Variants in GBP7 observed in about 807,000 individuals in gnomAD.
GBP7 encodes the protein guanylate binding protein 7, also known as guanylate-binding protein 7.
Under a neutral mutation model 61.3 loss-of-function variants are expected in GBP7, and 43 were observed. The ratio of observed to expected loss-of-function variants is 0.70; its 90% CI spans 0.55 to 0.91. The LOEUF (loss-of-function observed/expected upper bound fraction) is 0.91, where lower values mean the gene tolerates loss of function less well. Ranked by LOEUF, GBP7 falls within the 40% of genes least tolerant of loss-of-function variation. The pLI, the probability that GBP7 is intolerant of heterozygous loss-of-function variation, is 0.00. For missense variants in GBP7, 717 were observed against 740.5 expected (o/e 0.97, Z 0.37); for synonymous variants, 267 against 271.0 (o/e 0.99, Z 0.14).
intron 10 of GBP7, 54 bp downstream of exon 10, chr1:89,133,204 A>G: frequency 1.4e-6 from 2 of 1,437,196 alleles, no homozygotes; most frequent in Admixed American, 1.9e-5. Context: ...GCTCTTCCCT[A>G]AATGAGGAAC....
chr1:89,162,630 G>A (rs754415238), intron 3 of GBP7, among the ~76,000 whole-genome samples: 10 of 152,212 alleles, frequency 6.6e-5, no homozygotes, highest in Non-Finnish European at 1.5e-4. Context: ...AGACTTTGCT[G>A]AAGTTGTTTA....
At position 89,175,999 on chromosome 1, in the gene GBP7, G is replaced by C. The variant is rs1016767727; in HGVS notation, c.-98C>G. The C allele has an allele frequency of 1.3e-5, 2 of 152,170 alleles. No homozygotes were observed. The highest frequency in any genetic ancestry group is 4.8e-5 in the African/African-American group (2 of 41,432). The allele number at this position is 152,170 out of a possible 1,614,324, so 9.4% of individuals were successfully genotyped here. A position where few individuals can be genotyped will look rare whatever the true frequency, so the allele number is the denominator to read the frequency against. On this transcript the variant is annotated 5_prime_UTR_variant, in exon 1 of 11. Coordinates refer to ENST00000294671, the MANE Select transcript of GBP7 (RefSeq NM_207398.3). The stretch of plus-strand genomic sequence containing the variant: ...ATGAGTCTTTATTCTCTTCTCTTTA[G>C]TTCTGAATTTGGCTGCACTGATTTC...
At chr1:89,150,913 TATG>T (rs1318041580) in intron 5 of GBP7, among the ~76,000 whole-genome samples, 9 of 152,210 alleles carry the variant, frequency 5.9e-5, no homozygotes, top group Non-Finnish European at 2.9e-5. Flanking sequence ...TTAACTAAAA[TATG>T]ATAAGAAGTA....
At chr1:89,145,904 AT>A (rs59180604) in intron 8 of GBP7, among the ~76,000 whole-genome samples, 96,489 of 151,854 alleles carry the variant, frequency 0.64, 31,152 homozygotes, top group East Asian at 0.78. Flanking sequence ...TCTAAAAAAA[AT>A]CTACAGGTTT....
chr1:89,145,134 G>A (rs1423756209), intron 8 of GBP7, among the ~76,000 whole-genome samples: 1 of 151,960 alleles, frequency 6.6e-6, no homozygotes, highest in East Asian at 1.9e-4. Context: ...TGTATTTTTA[G>A]TAGAGACAGG....
In GBP7 at chr1:89,147,644, C is replaced by T; in HGVS notation, c.1288G>A (p.Gly430Arg). The T allele has an allele frequency of 6.2e-7, 1 of 1,614,126 alleles. No homozygotes were observed. The highest frequency in any genetic ancestry group is 8.5e-7 in the Non-Finnish European group (1 of 1,180,008). Residue 430 changes from glycine to arginine, a missense_variant, in exon 8 of 11, where the codon GGG (glycine) becomes AGG (arginine). Gly to Arg is a moderately radical substitution (Grantham distance 125). Transcript: ENST00000294671. The stretch of plus-strand genomic sequence containing the variant: ...GCTTCTAAGTAGATATTGTGCCCCC[C>T]CGGAACAAAGAAAGTTCCTCTTGAA... ...SISRGTFFVP[G>R]GHNIYLEAKK...
intron 2 of GBP7, among the ~76,000 whole-genome samples, chr1:89,169,680 G>C (rs1647545167): frequency 6.6e-6 from 1 of 152,084 alleles, no homozygotes; most frequent in Non-Finnish European, 1.5e-5. Context: ...ACAACTCAAT[G>C]TAAATTTCAA....
At chr1:89,153,121 T>C (rs1682242423) in intron 3 of GBP7, among the ~76,000 whole-genome samples, 1 of 152,238 alleles carries the variant, frequency 6.6e-6, no homozygotes, top group South Asian at 2.1e-4. Context: ...GTCTCCTGAA[T>C]GATGCTCTCT....
Position 89,164,781 on chromosome 1 carries a change from T to C in GBP7, c.268A>G (p.Asn90Asp), listed in dbSNP as rs765322487. Reference protein sequence around the residue: ...MWCVPHPSKPNHTLILLDTEG... With the variant: ...MWCVPHPSKPDHTLILLDTEG... ...GTGTCCAGAAGGATCAGGGTGTGGT[T>C]TGGCTTGGAGGGGTGGGGCACACAC... The change falls in exon 3 of 11, where the codon AAC (asparagine) becomes GAC (aspartate). Residue 90 changes from asparagine (N) to aspartate (D), a missense_variant. Physicochemically the swap from Asn to Asp is conservative, Grantham distance 23 (BLOSUM62 1). This residue lies in a region of GBP7 where 387 missense variants were observed against 385.2 expected (regional missense o/e 1.00). Coordinates refer to ENST00000294671, the MANE Select transcript of GBP7 (RefSeq NM_207398.3). The C allele has an allele frequency of 6.2e-7, 1 of 1,614,026 alleles. No homozygotes were observed. Among genetic ancestry groups the C allele is most frequent in the East Asian group, 2.2e-5 (1 of 44,870 alleles).
intron 3 of GBP7, among the ~76,000 whole-genome samples, chr1:89,155,177 T>A (rs1409639514): frequency 6.6e-6 from 1 of 152,062 alleles, no homozygotes; most frequent in Non-Finnish European, 1.5e-5. Flanking sequence ...AGAAAGGACA[T>A]CCACACCAAA....
chr1:89,133,147 T>C (rs1681716522), intron 10 of GBP7, 111 bp downstream of exon 10: 2 of 762,944 alleles, frequency 2.6e-6, no homozygotes, highest in Non-Finnish European at 4.5e-6. Context: ...AAGTGAAATA[T>C]ATCTTTTGTG....
At chr1:89,136,394 AT>A (rs1296461024) in intron 9 of GBP7, among the ~76,000 whole-genome samples, 4 of 152,144 alleles carry the variant, frequency 2.6e-5, no homozygotes, top group African/African-American at 9.7e-5. Context: ...ATACTCTAAA[AT>A]TGACTCCTTG....
At chr1:89,141,494 A>T (rs1336430737) in intron 9 of GBP7, 52 bp downstream of exon 9, 2 of 1,470,766 alleles carry the variant, frequency 1.4e-6, no homozygotes, top group African/African-American at 2.8e-5. Flanking sequence ...ACATCAAGAG[A>T]GTGTTGCAAG....
At chr1:89,170,075 A>G (rs1647556244) in intron 2 of GBP7, among the ~76,000 whole-genome samples, 1 of 152,198 alleles carries the variant, frequency 6.6e-6, no homozygotes, top group Non-Finnish European at 1.5e-5. Context: ...TTCAAATTGT[A>G]CCAGTGATCC....
chr1:89,149,503 G>A lies in GBP7; in HGVS notation c.941C>T (p.Ala314Val). ...NSGATPCLEN[A>V]MAVLAQCENS... ...CTCACACTGGGCCAGAACTGCCATT[G>A]CATTCTCCAGACAAGGAGTCGCTCC... Residue 314 changes from alanine (A) to valine (V), a missense_variant, in exon 7 of 11, where the codon GCA becomes GTA. This residue lies in a region of GBP7 where 387 missense variants were observed against 385.2 expected (regional missense o/e 1.00). Transcript: ENST00000294671. 1.9e-6 allele frequency: 3 copies of A among 1,614,106 alleles called. No homozygotes were observed. The highest frequency in any genetic ancestry group is 2.5e-6 in the Non-Finnish European group (3 of 1,179,992).
intron 3 of GBP7, among the ~76,000 whole-genome samples, chr1:89,160,928 C>T (rs768527111): frequency 7.9e-5 from 12 of 151,846 alleles, no homozygotes; most frequent in Admixed American, 1.3e-4. Context: ...GATCTTTTCC[C>T]TCCTCCCATT....
chr1:89,134,174 C>G (rs1681741909), intron 9 of GBP7, among the ~76,000 whole-genome samples: 2 of 152,226 alleles, frequency 1.3e-5, no homozygotes, highest in South Asian at 4.1e-4. Flanking sequence ...CCCTACCTAA[C>G]CATCATAGAG....
intron 2 of GBP7, among the ~76,000 whole-genome samples, chr1:89,169,950 C>T (rs889129400): frequency 3.9e-5 from 6 of 152,172 alleles, no homozygotes; most frequent in Non-Finnish European, 8.8e-5. Context: ...AGCTTCTGTG[C>T]GTACTTGATG....
At chr1:89,171,652 C>A in intron 2 of GBP7, 94 bp downstream of exon 2, 1 of 1,144,028 alleles carries the variant, frequency 8.7e-7, no homozygotes, top group South Asian at 1.7e-5. Context: ...TACTTATCCC[C>A]AACACTAACT....
Sources: gnomAD v4.1 joint callset for allele counts (sites outside exome capture counted in the v4.1 genomes callset) on GRCh38, gnomAD v4.1.1 for gene constraint, gnomAD v4.1.1 regional missense constraint, MANE v1.5 for transcripts, NCBI Gene and HGNC (gene_info 2026-07-23, HGNC 2026-07-21) for gene names.